Variants in CDK5RAP2 observed in about 807,000 individuals in gnomAD.
CDK5RAP2 encodes the protein CDK5 regulatory subunit-associated protein 2.
CDK5RAP2 carries 147 observed loss-of-function variants against 232.9 expected under a neutral mutation model. The ratio of observed to expected loss-of-function variants is 0.63; its 90% CI spans 0.55 to 0.72. The LOEUF (loss-of-function observed/expected upper bound fraction) is 0.72. CDK5RAP2 is among the 30% of genes least tolerant of loss of function. The pLI is 0.00. For synonymous variants in CDK5RAP2, 833 were observed against 833.7 expected (o/e 1.00, Z 0.01); for missense variants, 2,195 against 2,231.5 (o/e 0.98, Z 0.33).
At chr9:120,436,255 G>T (rs1000854258) in intron 25 of CDK5RAP2, among the ~76,000 whole-genome samples, 5 of 152,178 alleles carry the variant, frequency 3.3e-5, no homozygotes, top group Non-Finnish European at 7.4e-5. Context: ...ATCTAATCAT[G>T]AATTGAGTCT....
chr9:120,510,938 T>C (rs573523539), intron 12 of CDK5RAP2, among the ~76,000 whole-genome samples: 2 of 152,348 alleles, frequency 1.3e-5, no homozygotes, highest in Admixed American at 6.5e-5. Flanking sequence ...TCATTACAAG[T>C]ACTCAATAAA....
intron 32 of CDK5RAP2, chr9:120,406,708 A>T: frequency 2.5e-6 from 1 of 396,362 alleles, no homozygotes; most frequent in Non-Finnish European, 4.5e-6. Context: ...AAATTTCAGC[A>T]TCAAAGTGAT....
At chr9:120,470,848 C>T (rs959123424) in intron 16 of CDK5RAP2, among the ~76,000 whole-genome samples, 2 of 152,100 alleles carry the variant, frequency 1.3e-5, no homozygotes, top group Admixed American at 6.6e-5. Context: ...CTCAGCAAGG[C>T]ATATCCACAA....
At chr9:120,416,472 A>C (rs2034226975) in intron 27 of CDK5RAP2, among the ~76,000 whole-genome samples, 1 of 152,250 alleles carries the variant, frequency 6.6e-6, no homozygotes, top group African/African-American at 2.4e-5. Flanking sequence ...CAGACAAGGA[A>C]AGACACAAAT....
chr9:120,465,704 A>G (rs10984921), intron 18 of CDK5RAP2, among the ~76,000 whole-genome samples: 11,357 of 149,698 alleles, frequency 0.076, 671 homozygotes, highest in East Asian at 0.29. Context: ...ATCAACTCTA[A>G]GGAAAAAAAA....
intron 1 of CDK5RAP2, among the ~76,000 whole-genome samples, chr9:120,573,345 T>A (rs2132217849): frequency 6.6e-6 from 1 of 152,266 alleles, no homozygotes; most frequent in Non-Finnish European, 1.5e-5. Flanking sequence ...GATCAGGAGT[T>A]CGAGACCAGC....
At chr9:120,440,949 A>G (rs1177365778) in intron 23 of CDK5RAP2, among the ~76,000 whole-genome samples, 2 of 152,360 alleles carry the variant, frequency 1.3e-5, no homozygotes, top group South Asian at 2.1e-4. Flanking sequence ...ACTGCCAGGA[A>G]ATATTTCCTT....
At chr9:120,509,970 T>C (rs2040002814) in intron 12 of CDK5RAP2, among the ~76,000 whole-genome samples, 1 of 151,744 alleles carries the variant, frequency 6.6e-6, no homozygotes, top group Non-Finnish European at 1.5e-5. Context: ...CACACACATA[T>C]ATATACATTT....
At chr9:120,464,804 C>T (rs2037284753) in intron 18 of CDK5RAP2, among the ~76,000 whole-genome samples, 1 of 152,164 alleles carries the variant, frequency 6.6e-6, no homozygotes, top group South Asian at 2.1e-4. Context: ...TGAGTGCATA[C>T]CATATGCCAG....
At chr9:120,443,819 C>T in intron 22 of CDK5RAP2, 77 bp from the exon 23 acceptor site, 2 of 1,585,882 alleles carry the variant, frequency 1.3e-6, no homozygotes, top group Non-Finnish European at 1.7e-6. Flanking sequence ...CTGAGAAGAA[C>T]ACAAAGATAC....
At chr9:120,453,347 T>G (rs1326948819) in intron 21 of CDK5RAP2, 109 bp downstream of exon 21, 6 of 1,015,244 alleles carry the variant, frequency 5.9e-6, no homozygotes, top group African/African-American at 1.6e-5. Flanking sequence ...AGGGAGACAC[T>G]GGACATTCTT....
intron 6 of CDK5RAP2, among the ~76,000 whole-genome samples, chr9:120,537,925 A>G (rs2041464556): frequency 1.3e-5 from 2 of 152,190 alleles, no homozygotes; most frequent in Non-Finnish European, 2.9e-5. Flanking sequence ...GTAGGCAAAT[A>G]CCTTATCCTA....
chr9:120,427,481 C>A (rs929572705), intron 25 of CDK5RAP2, among the ~76,000 whole-genome samples: 2 of 152,156 alleles, frequency 1.3e-5, no homozygotes, highest in Non-Finnish European at 2.9e-5. Flanking sequence ...AAGCTGGGAT[C>A]TGAACTCCAG....
intron 14 of CDK5RAP2, among the ~76,000 whole-genome samples, chr9:120,482,397 C>A (rs1469855186): frequency 6.6e-6 from 1 of 152,198 alleles, no homozygotes; most frequent in Admixed American, 6.5e-5. Flanking sequence ...TTCTCCTCAG[C>A]TCCTGCCCTC....
intron 10 of CDK5RAP2, 101 bp from the exon 11 acceptor site, chr9:120,525,179 A>T: frequency 1.1e-6 from 1 of 890,880 alleles, no homozygotes; most frequent in Non-Finnish European, 1.8e-6. Context: ...CTTATAATCA[A>T]GGGCTTTGTA....
chr9:120,405,822 C>G (rs540385331), intron 32 of CDK5RAP2, among the ~76,000 whole-genome samples: 13 of 152,146 alleles, frequency 8.5e-5, no homozygotes, highest in Non-Finnish European at 1.3e-4. Context: ...TGAGAATAGC[C>G]TGCAAACAAT....
intron 25 of CDK5RAP2, among the ~76,000 whole-genome samples, chr9:120,423,252 T>G (rs1287785216): frequency 6.6e-6 from 1 of 152,246 alleles, no homozygotes; most frequent in African/African-American, 2.4e-5. Context: ...ATGTCTGCGC[T>G]AATATTCCAC....
chr9:120,400,877 G>A lies in CDK5RAP2; in HGVS notation c.5316C>T (p.His1772=), dbSNP rs748693383. 5.6e-6 allele frequency: 9 copies of A among 1,614,130 alleles called. No homozygotes were observed. The highest frequency in any genetic ancestry group is 6.8e-6 in the Non-Finnish European group (8 of 1,180,022). The part of the protein sequence containing the change: ...TSQELGTKGP[H]PAPLSKFVSS... ...TCACAAACTTGCTCAGTGGTGCTGGGTGTGGACCCTACACGGGGGATATGA... is the reference window on the plus strand; with the variant it reads ...TCACAAACTTGCTCAGTGGTGCTGGATGTGGACCCTACACGGGGGATATGA... The change falls in exon 35 of 38, where the codon CAC becomes CAT. Residue 1772 remains histidine (H), a synonymous_variant. Coordinates refer to ENST00000349780, the MANE Select transcript of CDK5RAP2 (RefSeq NM_018249.6).
chr9:120,413,378 A>C (rs1279513690), intron 28 of CDK5RAP2, among the ~76,000 whole-genome samples: 1 of 152,240 alleles, frequency 6.6e-6, no homozygotes, highest in Non-Finnish European at 1.5e-5. Context: ...TATTGTAAGA[A>C]GCCATACCTT....
Sources: allele counts gnomAD v4.1 joint callset (sites outside exome capture counted in the v4.1 genomes callset), GRCh38; gene constraint gnomAD v4.1.1; transcripts MANE v1.5; gene names NCBI Gene and HGNC (gene_info 2026-07-23, HGNC 2026-07-21).